OSGEPL1: variants seen among roughly 807,000 people sequenced by gnomAD.
OSGEPL1 encodes tRNA N6-adenosine threonylcarbamoyltransferase, mitochondrial.
A neutral mutation model predicts 37.2 loss-of-function variants in OSGEPL1; 26 were observed. The ratio of observed to expected loss-of-function variants is 0.70; its 90% CI spans 0.51 to 0.97. The LOEUF (loss-of-function observed/expected upper bound fraction) is 0.97. Among genes scored for constraint, OSGEPL1 ranks in the 50% least tolerant of loss-of-function variants. OSGEPL1 has a pLI of 0.00. For missense variants in OSGEPL1, 404 were observed against 487.0 expected, an observed-to-expected ratio of 0.83 and a Z score of 1.60; for synonymous variants, 140 against 159.9, an observed-to-expected ratio of 0.88 and a Z score of 0.94.
Position 189,762,770 on chromosome 2 carries a change from C to A in OSGEPL1, c.-106G>T, listed in dbSNP as rs945290599. ...GCCCTTATCGCTGCAGGAGAAAGCCCGAACCTGGCGCCCGGAAGTGATGTC... is the reference window on the plus strand; with the variant it reads ...GCCCTTATCGCTGCAGGAGAAAGCCAGAACCTGGCGCCCGGAAGTGATGTC... On this transcript the variant is annotated 5_prime_UTR_variant, in exon 1 of 9. Transcript: ENST00000264151. The A allele has an allele frequency of 1.0e-6, 1 of 985,498 alleles. No individual in the cohort carries two copies. The highest frequency in any genetic ancestry group is 1.2e-6 in the Non-Finnish European group (1 of 830,036). The allele number at this position is 985,498 out of a possible 1,614,324, so 61.0% of individuals were successfully genotyped here.
Position 189,752,983 on chromosome 2 carries a change from A to C in OSGEPL1, c.964-4T>G. 6.2e-7 allele frequency: 1 copy of C among 1,603,296 alleles called. No homozygotes were observed. Among genetic ancestry groups the C allele is most frequent in the Non-Finnish European group, 8.5e-7 (1 of 1,176,216 alleles). On this transcript the variant is annotated splice_polypyrimidine_tract_variant and splice_region_variant and intron_variant, in intron 5 of 8. Transcript: ENST00000264151. Reference sequence around the variant, plus strand: ...TTGCGACACCACCAGATGCAACCTGAAGGAATTGAGAAAACCAAAATAACT... The same window carrying C: ...TTGCGACACCACCAGATGCAACCTGCAGGAATTGAGAAAACCAAAATAACT...
intron 2 of OSGEPL1, among the ~76,000 whole-genome samples, chr2:189,759,519 C>T (rs999243930): frequency 4.6e-5 from 7 of 152,086 alleles, no homozygotes; most frequent in Admixed American, 4.6e-4. Flanking sequence ...CAAAGTGATG[C>T]GATTACAGGC....
chr2:189,756,194 T>G (rs1344016797), intron 2 of OSGEPL1, among the ~76,000 whole-genome samples: 1 of 152,178 alleles, frequency 6.6e-6, no homozygotes, highest in Admixed American at 6.5e-5. Flanking sequence ...GGATAGCAGA[T>G]AGCTTGCAAT....
At chr2:189,753,305 GA>G (rs1183749707) in intron 5 of OSGEPL1, among the ~76,000 whole-genome samples, 45 of 152,054 alleles carry the variant, frequency 3.0e-4, no homozygotes, top group Non-Finnish European at 4.6e-4. Flanking sequence ...ACATAACTCT[GA>G]AAAAATTATT....
At chr2:189,761,873 T>G (rs553448338) in intron 1 of OSGEPL1, among the ~76,000 whole-genome samples, 9 of 152,324 alleles carry the variant, frequency 5.9e-5, no homozygotes, top group African/African-American at 2.2e-4. Context: ...TTTTTTAGTA[T>G]TATTATTACT....
chr2:189,761,015 T>A (rs1017518496), intron 2 of OSGEPL1: 1 of 122,382 alleles, frequency 8.2e-6, no homozygotes, highest in Admixed American at 8.3e-5. Context: ...TATGCTTTAA[T>A]ACAACAGTGT....
chr2:189,758,373 C>G (rs891352524), intron 2 of OSGEPL1, among the ~76,000 whole-genome samples: 5 of 151,818 alleles, frequency 3.3e-5, no homozygotes, highest in Non-Finnish European at 7.4e-5. Flanking sequence ...AAGAGCAAAA[C>G]TCCATCTCAA....
chr2:189,754,363 T>G lies in OSGEPL1; in HGVS notation c.610-18A>C. 1 of 1,572,426 alleles carries G rather than the reference T, an allele frequency of 6.4e-7. No individual in the cohort carries two copies. The highest frequency in any genetic ancestry group is 8.6e-7 in the Non-Finnish European group (1 of 1,159,276). ...CTTGCCACCTATCAAAGAAACATATTTTTTAGAGTCATAAAATTAAATACT... is the reference window on the plus strand; with the variant it reads ...CTTGCCACCTATCAAAGAAACATATGTTTTAGAGTCATAAAATTAAATACT... On this transcript the variant is annotated intron_variant, in intron 3 of 8. Coordinates refer to ENST00000264151, the MANE Select transcript of OSGEPL1 (RefSeq NM_022353.3).
In OSGEPL1 at chr2:189,752,839, T is replaced by A. The variant is rs1245665561; in HGVS notation, c.1094+10A>T. 6.2e-7 allele frequency: 1 copy of A among 1,613,516 alleles called. No homozygotes were observed. The highest frequency in any genetic ancestry group is 8.5e-7 in the Non-Finnish European group (1 of 1,179,662). On this transcript the variant is annotated intron_variant, in intron 6 of 8. Coordinates refer to ENST00000264151, the MANE Select transcript of OSGEPL1 (RefSeq NM_022353.3). The stretch of plus-strand genomic sequence containing the variant: ...AGTTATGAGTGAAGCACGTATATCC[T>A]GTGGCTTACCATGCAATCATAATGC...
intron 5 of OSGEPL1, 69 bp from the exon 6 acceptor site, chr2:189,753,048 G>A (rs1015571789): frequency 7.2e-7 from 1 of 1,388,446 alleles, no homozygotes; most frequent in Middle Eastern, 1.9e-4. Context: ...ATTAAACCTG[G>A]AGAAAAATAT....
At chr2:189,754,606 T>G (rs1318310348) in intron 3 of OSGEPL1, 1 of 431,400 alleles carries the variant, frequency 2.3e-6, no homozygotes, top group South Asian at 3.8e-5. Context: ...GGGCTTGAAG[T>G]TGACAATAAC....
intron 2 of OSGEPL1, among the ~76,000 whole-genome samples, chr2:189,760,172 A>T (rs1239766735): frequency 6.6e-6 from 1 of 152,236 alleles, no homozygotes; most frequent in Non-Finnish European, 1.5e-5. Flanking sequence ...ACACAGACAT[A>T]TTAACAATCT....
intron 2 of OSGEPL1, among the ~76,000 whole-genome samples, chr2:189,757,808 C>A (rs1475303821): frequency 6.6e-6 from 1 of 152,170 alleles, no homozygotes; most frequent in Non-Finnish European, 1.5e-5. Flanking sequence ...TGAGATGAGC[C>A]AGGTGGATGG....
intron 5 of OSGEPL1, 71 bp from the exon 6 acceptor site, chr2:189,753,050 G>A: frequency 7.3e-7 from 1 of 1,368,166 alleles, no homozygotes; most frequent in South Asian, 1.5e-5. Flanking sequence ...TAAACCTGGA[G>A]AAAAATATCA....
intron 7 of OSGEPL1, 57 bp downstream of exon 7, chr2:189,752,596 C>A (rs779940229): frequency 1.4e-4 from 213 of 1,570,676 alleles, no homozygotes; most frequent in Non-Finnish European, 1.8e-4. Flanking sequence ...AAGGCAAAAT[C>A]CAGGCTTTGT....
intron 5 of OSGEPL1, 62 bp downstream of exon 5, chr2:189,753,854 C>G: frequency 6.4e-7 from 1 of 1,557,032 alleles, no homozygotes; most frequent in Non-Finnish European, 8.7e-7. Flanking sequence ...AGGTCAAGGT[C>G]TTGGGAAAAA....
intron 2 of OSGEPL1, among the ~76,000 whole-genome samples, chr2:189,759,738 TTTATTC>T (rs1294713979): frequency 7.0e-6 from 1 of 143,880 alleles, no homozygotes; most frequent in African/African-American, 2.7e-5. Flanking sequence ...TGTAGAGTAT[TTTATTC>T]TTATTTATTT....
At chr2:189,756,382 A>G (rs1286593299) in intron 2 of OSGEPL1, among the ~76,000 whole-genome samples, 2 of 152,218 alleles carry the variant, frequency 1.3e-5, no homozygotes, top group Non-Finnish European at 2.9e-5. Flanking sequence ...GCAATAAAAT[A>G]GAGTCTGCAA....
intron 2 of OSGEPL1, among the ~76,000 whole-genome samples, chr2:189,758,824 A>G (rs1559173972): frequency 6.6e-6 from 1 of 152,254 alleles, no homozygotes; most frequent in African/African-American, 2.4e-5. Flanking sequence ...TGAAAGTATT[A>G]CAAAGAAAAT....
Sources: allele counts gnomAD v4.1 joint callset (sites outside exome capture counted in the v4.1 genomes callset), GRCh38; gene constraint gnomAD v4.1.1; transcripts MANE v1.5; gene names NCBI Gene and HGNC (gene_info 2026-07-23, HGNC 2026-07-21).